The following PCSK5 variants were observed in gnomAD, a reference collection of about 807,000 sequenced individuals.
PCSK5 encodes the protein proprotein convertase subtilisin/kexin type 5, also known as prohormone convertase 5.
Under a neutral mutation model 233.2 loss-of-function variants are expected in PCSK5, and 129 were observed. The ratio of observed to expected loss-of-function variants is 0.55; its 90% CI spans 0.48 to 0.64. PCSK5 has a LOEUF of 0.64. Ranked by LOEUF, PCSK5 falls within the 30% of genes least tolerant of loss-of-function variation. The probability of loss-of-function intolerance (pLI) is 0.00; values close to 1 mark genes in which losing one functional copy is unlikely to be tolerated. For missense variants in PCSK5, 2,076 were observed against 2,430.1 expected (o/e 0.85, Z 3.06); for synonymous variants, 825 against 879.2 (o/e 0.94, Z 1.09).
chr9:76,325,030 T>C (rs531647783), intron 32 of PCSK5, among the ~76,000 whole-genome samples: 16 of 152,296 alleles, frequency 1.1e-4, no homozygotes, highest in African/African-American at 3.6e-4. Flanking sequence ...GCTCCAGCCT[T>C]GTGCTGTGGA....
chr9:76,064,529 C>T lies in PCSK5; in HGVS notation c.633-3426C>T, dbSNP rs1480452436. ...GGGCTGAACCCCCCCAACCTCCCTCCCGGACGGGGTGGCTGCCGGGCGGAG... is the reference window on the plus strand; with the variant it reads ...GGGCTGAACCCCCCCAACCTCCCTCTCGGACGGGGTGGCTGCCGGGCGGAG... On this transcript the variant is annotated intron_variant, in intron 5 of 37. Coordinates refer to ENST00000674117, the MANE Select transcript of PCSK5 (RefSeq NM_001372043.1). Among the ~76,000 whole-genome samples, 21 of 149,334 alleles carry T rather than the reference C, an allele frequency of 1.4e-4. 1 individual carries two copies. Among genetic ancestry groups the T allele is most frequent in the African/African-American group, 5.2e-4 (21 of 40,086 alleles).
At chr9:76,150,478 A>G (rs924809544) in intron 10 of PCSK5, among the ~76,000 whole-genome samples, 1 of 152,110 alleles carries the variant, frequency 6.6e-6, no homozygotes, top group African/African-American at 2.4e-5. Flanking sequence ...TACTAAAAAT[A>G]CAAAATTAGC....
intron 23 of PCSK5, among the ~76,000 whole-genome samples, chr9:76,239,692 T>C (rs917921062): frequency 1.1e-5 from 1 of 91,792 alleles, no homozygotes; most frequent in Non-Finnish European, 2.2e-5. Context: ...CAAGACTCCA[T>C]CTCAAAAAAA....
At chr9:75,896,394 C>T (rs1043255184) in intron 1 of PCSK5, among the ~76,000 whole-genome samples, 1 of 152,160 alleles carries the variant, frequency 6.6e-6, no homozygotes, top group Non-Finnish European at 1.5e-5. Context: ...GAGGTCCTAA[C>T]CTTAAAGGTC....
intron 5 of PCSK5, among the ~76,000 whole-genome samples, chr9:76,058,458 G>C (rs561268723): frequency 6.6e-6 from 1 of 152,256 alleles, no homozygotes; most frequent in African/African-American, 2.4e-5. Context: ...TGAGACAAGA[G>C]GATAAATAAA....
intron 7 of PCSK5, among the ~76,000 whole-genome samples, chr9:76,073,338 TC>T (rs1362057803): frequency 2.6e-5 from 4 of 152,358 alleles, no homozygotes; most frequent in South Asian, 2.1e-4. Context: ...TGTAGGTACT[TC>T]CTAGCTGAAT....
intron 2 of PCSK5, among the ~76,000 whole-genome samples, chr9:75,975,926 G>A (rs1465110751): frequency 6.6e-6 from 1 of 152,076 alleles, no homozygotes; most frequent in Non-Finnish European, 1.5e-5. Flanking sequence ...GAGTGAAGCT[G>A]GGGGGAATTC....
chr9:76,286,183 G>T (rs949937128), intron 24 of PCSK5, among the ~76,000 whole-genome samples: 1 of 152,146 alleles, frequency 6.6e-6, no homozygotes, highest in African/African-American at 2.4e-5. Flanking sequence ...ATATGATTGG[G>T]TTGGTAATTC....
At chr9:76,163,467 G>C (rs557323500) in intron 12 of PCSK5, among the ~76,000 whole-genome samples, 6 of 152,336 alleles carry the variant, frequency 3.9e-5, no homozygotes, top group African/African-American at 1.4e-4. Context: ...TTAGCCCGGC[G>C]TGCATGCTCC....
intron 20 of PCSK5, among the ~76,000 whole-genome samples, chr9:76,216,538 G>C (rs1825539859): frequency 6.6e-6 from 1 of 152,122 alleles, no homozygotes; most frequent in Non-Finnish European, 1.5e-5. Context: ...AAGGCAACAA[G>C]AAGGATAATA....
At position 76,071,786 on chromosome 9, in the gene PCSK5, A is replaced by G. The variant is rs776626671; in HGVS notation, c.782A>G (p.Asn261Ser). ...DMVEAKSVSF[N>S]PQHVHIYSAS... ...GTTGAAGCAAAATCAGTTAGCTTCA[A>G]CCCCCAGCACGTGCACATTTACAGC... The change falls in exon 7 of 38, where the codon AAC becomes AGC. Residue 261 changes from asparagine (N) to serine (S), a missense_variant. Physicochemically the swap from Asn to Ser is conservative, Grantham distance 46. This residue lies in a region of PCSK5 where 178 missense variants were observed against 393.6 expected (regional missense o/e 0.45). Transcript: ENST00000674117. 1.2e-6 allele frequency: 2 copies of G among 1,609,762 alleles called. No homozygotes were observed. Among genetic ancestry groups the G allele is most frequent in the Admixed American group, 1.7e-5 (1 of 59,458 alleles).
chr9:76,104,928 A>G (rs1175353698), intron 8 of PCSK5, among the ~76,000 whole-genome samples: 2 of 152,358 alleles, frequency 1.3e-5, no homozygotes, highest in Non-Finnish European at 2.9e-5. Flanking sequence ...TGGTGTGTTC[A>G]TGCATTGACT....
Position 75,943,992 on chromosome 9 carries a change from G to A in PCSK5, c.297+11509G>A, listed in dbSNP as rs141858896. Among the ~76,000 whole-genome samples the A allele has an allele frequency of 3.6e-3, 547 of 151,874 alleles. 7 individuals are homozygous for A. The highest frequency in any genetic ancestry group is 0.013 in the African/African-American group (528 of 41,418). The stretch of plus-strand genomic sequence containing the variant: ...AGCCTAGGCAACATAGTGAGACCCC[G>A]TCTCAACAAAAAATAAAAAAATCAG... On this transcript the variant is annotated intron_variant, in intron 2 of 37. Coordinates refer to ENST00000674117, the MANE Select transcript of PCSK5 (RefSeq NM_001372043.1).
rs1829206221 is a variant in PCSK5, at chr9:76,321,586, G to T, written c.4049G>T (p.Cys1350Phe). The change falls in exon 31 of 38, where the codon TGC (cysteine) becomes TTC (phenylalanine). Residue 1350 changes from cysteine to phenylalanine, a missense_variant. This residue lies in a region of PCSK5 where 1,510 missense variants were observed against 1,538.1 expected (regional missense o/e 0.98). Coordinates refer to ENST00000674117, the MANE Select transcript of PCSK5 (RefSeq NM_001372043.1). ...PERHVAVKGV[C>F]KHCPEMCQDC... ...AGGCACGTGGCTGTGAAGGGGGTAT[G>T]CAAGCATTGCCCAGAGATGTGTCAG... The T allele has an allele frequency of 6.8e-6, 11 of 1,612,530 alleles. No homozygotes were observed. The highest frequency in any genetic ancestry group is 8.5e-6 in the Non-Finnish European group (10 of 1,179,724).
At chr9:76,328,975 A>ATTTTTTTTTTTTTTT (rs59466685) in intron 33 of PCSK5, among the ~76,000 whole-genome samples, 30 of 123,700 alleles carry the variant, frequency 2.4e-4, no homozygotes, top group Non-Finnish European at 3.1e-4. Context: ...CTCCCGGCTA[A>ATTTTTTTTTTTTTTT]TTTTTTTTTT....
At chr9:75,908,147 TC>T (rs1001228627) in intron 1 of PCSK5, among the ~76,000 whole-genome samples, 2 of 152,184 alleles carry the variant, frequency 1.3e-5, no homozygotes, top group African/African-American at 4.8e-5. Context: ...GGGAGTTAAC[TC>T]CCTTTAATGA....
chr9:76,180,506 C>G (rs956035907), intron 15 of PCSK5, among the ~76,000 whole-genome samples: 2 of 152,014 alleles, frequency 1.3e-5, no homozygotes, highest in African/African-American at 4.8e-5. Context: ...CCTCTGAGCC[C>G]CTGGTGTCTG....
Position 75,998,856 on chromosome 9 carries a change from C to T in PCSK5, c.411+12611C>T, listed in dbSNP as rs556938704. ...CATACCTCATTCATCACCGAATAGC[C>T]TAGTATGTATCTGTTTAAGATATGA... On this transcript the variant is annotated intron_variant, in intron 3 of 37. Coordinates refer to ENST00000674117, the MANE Select transcript of PCSK5 (RefSeq NM_001372043.1). Among the ~76,000 whole-genome samples, 32 of 152,220 alleles carry T rather than the reference C, an allele frequency of 2.1e-4. No individual in the cohort carries two copies. In the South Asian group the frequency reaches 6.4e-3, roughly 31 times the overall value.
rs573025405 is a variant in PCSK5, at chr9:76,130,450, C to G, written c.1209-3659C>G. ...AGTCCAGCTGGCTTGAATTCTAGTT[C>G]TACTTACTACCTGTGTATTTGAGTT... On this transcript the variant is annotated intron_variant, in intron 9 of 37. Coordinates refer to ENST00000674117, the MANE Select transcript of PCSK5 (RefSeq NM_001372043.1). 6.6e-5 allele frequency among the ~76,000 whole-genome samples: 10 copies of G among 152,240 alleles called. No homozygotes were observed. In the South Asian group the frequency reaches 1.9e-3, roughly 28 times the overall value.
Sources: gnomAD v4.1 joint callset for allele counts (sites outside exome capture counted in the v4.1 genomes callset) on GRCh38, gnomAD v4.1.1 for gene constraint, gnomAD v4.1.1 regional missense constraint, MANE v1.5 for transcripts, NCBI Gene and HGNC (gene_info 2026-07-23, HGNC 2026-07-21) for gene names.